The following TRMT11 variants were observed in gnomAD, a reference collection of about 807,000 sequenced individuals.
TRMT11 encodes tRNA methyltransferase 11.
In TRMT11, 53 loss-of-function variants were observed where a neutral mutation model predicts 62.8. That is an observed-to-expected ratio of 0.84 (90% CI 0.68 to 1.06). The LOEUF (loss-of-function observed/expected upper bound fraction) is 1.06, where lower values mean the gene tolerates loss of function less well. Among genes scored for constraint, TRMT11 ranks in the 50% least tolerant of loss-of-function variants. The pLI is 0.00. For synonymous variants in TRMT11, 188 were observed against 190.3 expected, an observed-to-expected ratio of 0.99 and a Z score of 0.10; for missense variants, 556 against 553.4, an observed-to-expected ratio of 1.00 and a Z score of -0.05.
chr6:126,180,568 G>A (rs995528568), intron 1 of TRMT11, among the ~76,000 whole-genome samples: 4 of 152,120 alleles, frequency 2.6e-5, no homozygotes, highest in Non-Finnish European at 4.4e-5. Context: ...GTCCTTAAAT[G>A]GATTACTGTA....
At chr6:126,128,560 G>T (rs1241768440) in intron 21 of TRMT11, among the ~76,000 whole-genome samples, 1 of 152,052 alleles carries the variant, frequency 6.6e-6, no homozygotes, top group Non-Finnish European at 1.5e-5. Context: ...CTAGAGCATG[G>T]TTATATGTAA....
the TRMT11 span, among the ~76,000 whole-genome samples, chr6:126,248,608 C>T: frequency 2.0e-5 from 3 of 152,020 alleles, no homozygotes; most frequent in East Asian, 1.9e-4. Flanking sequence ...AATCAACAAT[C>T]GACTTATTAT....
the TRMT11 span, among the ~76,000 whole-genome samples, chr6:126,249,862 A>G: frequency 1.3e-5 from 2 of 152,172 alleles, no homozygotes; most frequent in African/African-American, 4.8e-5. Flanking sequence ...ATCAGAAATT[A>G]GGAGTATGAT....
chr6:126,220,483 G>C, the TRMT11 span, among the ~76,000 whole-genome samples: 8 of 152,240 alleles, frequency 5.3e-5, no homozygotes, highest in African/African-American at 1.9e-4. Context: ...CCATGTCTCT[G>C]TTATTGCTTT....
chr6:126,059,334 T>G (rs1776464499), intron 17 of TRMT11, among the ~76,000 whole-genome samples: 1 of 152,202 alleles, frequency 6.6e-6, no homozygotes, highest in Non-Finnish European at 1.5e-5. Context: ...CCAGAGTTGA[T>G]GCATGCCAAG....
chr6:126,166,442 T>A (rs976772553), intron 21 of TRMT11, among the ~76,000 whole-genome samples: 2 of 152,194 alleles, frequency 1.3e-5, no homozygotes, highest in African/African-American at 4.8e-5. Flanking sequence ...AGACCCTGTT[T>A]GTCTGGGTAT....
At chr6:126,135,039 T>TA (rs999833557) in intron 21 of TRMT11, among the ~76,000 whole-genome samples, 1 of 151,072 alleles carries the variant, frequency 6.6e-6, no homozygotes, top group South Asian at 2.1e-4. Context: ...ATCCAAATAA[T>TA]AAAAAAAATT....
intron 21 of TRMT11, among the ~76,000 whole-genome samples, chr6:126,122,992 A>G (rs1352339286): frequency 1.3e-5 from 2 of 152,116 alleles, no homozygotes; most frequent in Non-Finnish European, 2.9e-5. Flanking sequence ...ATAAAGCAGG[A>G]AAGTTTAGTG....
chr6:126,077,483 G>T (rs1210589016), intron 17 of TRMT11, among the ~76,000 whole-genome samples: 3 of 152,142 alleles, frequency 2.0e-5, no homozygotes, highest in African/African-American at 7.2e-5. Flanking sequence ...AAGAGATCAC[G>T]TTCCTTTCTT....
intron 1 of TRMT11, among the ~76,000 whole-genome samples, chr6:126,186,477 A>T (rs1451841197): frequency 6.6e-6 from 1 of 152,198 alleles, no homozygotes; most frequent in Non-Finnish European, 1.5e-5. Flanking sequence ...GCTACATCAA[A>T]TTCTGATTTT....
chr6:126,045,851 T>A (rs1055708168), intron 16 of TRMT11, among the ~76,000 whole-genome samples: 2 of 152,138 alleles, frequency 1.3e-5, no homozygotes, highest in African/African-American at 4.8e-5. Context: ...GCTCAGCTCC[T>A]CCTGGCAGTC....
chr6:126,171,048 T>C (rs1272811095), intron 21 of TRMT11, among the ~76,000 whole-genome samples: 1 of 152,166 alleles, frequency 6.6e-6, no homozygotes, highest in African/African-American at 2.4e-5. Flanking sequence ...TGACCTCCTT[T>C]ACTGATGCCC....
Position 126,038,853 on chromosome 6 carries a change from A to C in TRMT11, c.*17A>C. ...CAGGAATGAAAATTAAGATTTTGAC[A>C]ATGAAGAAAGAATAAGAATTTGATT... On this transcript the variant is annotated 3_prime_UTR_variant, in exon 13 of 13. Transcript: ENST00000334379. 2.5e-6 allele frequency: 4 copies of C among 1,582,922 alleles called. No homozygotes were observed. Among genetic ancestry groups the C allele is most frequent in the Non-Finnish European group, 3.4e-6 (4 of 1,168,212 alleles).
the TRMT11 span, among the ~76,000 whole-genome samples, chr6:126,218,190 G>C: frequency 6.6e-6 from 1 of 152,196 alleles, no homozygotes; most frequent in Non-Finnish European, 1.5e-5. Flanking sequence ...GGTACCCCAA[G>C]AACCCAGTTG....
the TRMT11 span, among the ~76,000 whole-genome samples, chr6:126,252,846 A>G: frequency 3.9e-5 from 6 of 152,220 alleles, no homozygotes; most frequent in Non-Finnish European, 1.5e-5. Context: ...TGTAATACCA[A>G]CTTCTCTGTT....
At chr6:126,055,928 C>T (rs535671779) in intron 17 of TRMT11, among the ~76,000 whole-genome samples, 4 of 152,290 alleles carry the variant, frequency 2.6e-5, no homozygotes, top group South Asian at 4.2e-4. Flanking sequence ...TTCTCCTTCT[C>T]GTGGGTCTCT....
the TRMT11 span, among the ~76,000 whole-genome samples, chr6:126,237,701 A>G: frequency 6.6e-6 from 1 of 152,108 alleles, no homozygotes; most frequent in African/African-American, 2.4e-5. Context: ...AAATAAATAA[A>G]AAGTCTCTTA....
chr6:126,081,789 G>C (rs1312510213), intron 17 of TRMT11, among the ~76,000 whole-genome samples: 1 of 152,116 alleles, frequency 6.6e-6, no homozygotes, highest in East Asian at 1.9e-4. Context: ...TTCAGTGACT[G>C]CTGCCCTAAC....
chr6:126,221,588 C>G, the TRMT11 span, among the ~76,000 whole-genome samples: 1 of 151,862 alleles, frequency 6.6e-6, no homozygotes, highest in Non-Finnish European at 1.5e-5. Flanking sequence ...TGTCTTTTAC[C>G]CATATTTTAA....
Sources: gnomAD v4.1 joint callset for allele counts (sites outside exome capture counted in the v4.1 genomes callset) on GRCh38, gnomAD v4.1.1 for gene constraint, MANE v1.5 for transcripts, NCBI Gene and HGNC (gene_info 2026-07-23, HGNC 2026-07-21) for gene names.